Variants in TTC39A observed in about 807,000 individuals in gnomAD.
TTC39A encodes the protein tetratricopeptide repeat domain 39A, also known as tetratricopeptide repeat protein 39A.
Under a neutral mutation model 82.3 loss-of-function variants are expected in TTC39A, and 46 were observed. The ratio of observed to expected loss-of-function variants is 0.56; its 90% CI spans 0.44 to 0.71. TTC39A has a LOEUF of 0.71. Among genes scored for constraint, TTC39A ranks in the 30% least tolerant of loss-of-function variants. The probability of loss-of-function intolerance (pLI) is 0.00; values close to 1 mark genes in which losing one functional copy is unlikely to be tolerated. For missense variants in TTC39A, 543 were observed against 712.9 expected (o/e 0.76, Z 2.71); for synonymous variants, 254 against 275.2 (o/e 0.92, Z 0.76).
chr1:51,290,532 T>C lies in TTC39A; in HGVS notation c.1360A>G (p.Met454Val). 6.2e-7 allele frequency: 1 copy of C among 1,613,876 alleles called. No homozygotes were observed. The highest frequency in any genetic ancestry group is 8.5e-7 in the Non-Finnish European group (1 of 1,179,830). ...ILEIITKAEE[M>V]LEKGPENEYS... The stretch of plus-strand genomic sequence containing the variant: ...AAGTCACCTGGGCCTTTCTCCAGCA[T>C]CTCTTCAGCCTTAGTGATAATCTCA... The change falls in exon 15 of 18, where the codon ATG (methionine) becomes GTG (valine). Residue 454 changes from methionine (M) to valine (V), a missense_variant. Transcript: ENST00000680483.
rs1644660978 is a variant in TTC39A at position 51,301,657 on chromosome 1, A to G, written c.968T>C (p.Leu323Pro). The G allele has an allele frequency of 4.3e-6, 7 of 1,613,666 alleles. No homozygotes were observed. The highest frequency in any genetic ancestry group is 1.3e-5 in the African/African-American group (1 of 74,922). The change falls in exon 12 of 18, where the codon CTG (leucine) becomes CCG (proline). Residue 323 changes from leucine to proline, a missense_variant. Coordinates refer to ENST00000680483, the MANE Select transcript of TTC39A (RefSeq NM_001297663.2). ...GCCCTTGTAGGTGAAGCACCACATC[A>G]GCTCCCAGTAGCACATGTGGTGGAA... Reference protein sequence around the residue: ...KQFHHMCYWELMWCFTYKGQW... With the variant: ...KQFHHMCYWEPMWCFTYKGQW...
chr1:51,342,569 G>T (rs1026491027), intron 1 of TTC39A, among the ~76,000 whole-genome samples: 1 of 152,208 alleles, frequency 6.6e-6, no homozygotes, highest in African/African-American at 2.4e-5. Flanking sequence ...TTTGCCCTTG[G>T]CTATGCTGTG....
At chr1:51,337,368 G>A (rs1488124394) in intron 1 of TTC39A, among the ~76,000 whole-genome samples, 2 of 151,714 alleles carry the variant, frequency 1.3e-5, no homozygotes, top group Non-Finnish European at 2.9e-5. Context: ...CACCTTCTTC[G>A]GGTCTCAGCT....
upstream of TTC39A, chr1:51,331,039 C>T: frequency 1.2e-6 from 1 of 810,642 alleles, no homozygotes; most frequent in Non-Finnish European, 2.1e-6. Flanking sequence ...CACGGTTTAG[C>T]ACTCACTGCT....
At chr1:51,316,395 C>A (rs1393893662) in intron 2 of TTC39A, among the ~76,000 whole-genome samples, 2 of 152,204 alleles carry the variant, frequency 1.3e-5, no homozygotes, top group Admixed American at 6.5e-5. Context: ...CTCCCTCCTC[C>A]AGCCTGTCCC....
At chr1:51,319,667 T>C (rs1028375089) in intron 2 of TTC39A, among the ~76,000 whole-genome samples, 4 of 151,920 alleles carry the variant, frequency 2.6e-5, no homozygotes, top group Non-Finnish European at 4.4e-5. Flanking sequence ...CAAGTCTTTC[T>C]TATAAAATTT....
At chr1:51,292,519 CTCCTGGGCTCAAGCGA>C (rs1448835455) in intron 14 of TTC39A, among the ~76,000 whole-genome samples, 1 of 152,164 alleles carries the variant, frequency 6.6e-6, no homozygotes, top group African/African-American at 2.4e-5. Flanking sequence ...TAGCCTTGAC[CTCCTGGGCTCAAGCGA>C]TCCTCCCACC....
chr1:51,302,963 T>C (rs1644730581), intron 9 of TTC39A, 121 bp downstream of exon 9: 3 of 868,716 alleles, frequency 3.5e-6, no homozygotes, highest in Non-Finnish European at 5.4e-6. Context: ...TGTGGCTCTG[T>C]TTCTGGTTTC....
chr1:51,331,321 C>A (rs368013469), upstream of TTC39A: 50 of 1,532,746 alleles, frequency 3.3e-5, no homozygotes, highest in African/African-American at 5.6e-4. Flanking sequence ...GAGGCGGTGT[C>A]TCCACCTGAC....
chr1:51,290,354 C>T (rs1644157113), intron 15 of TTC39A, among the ~76,000 whole-genome samples, 160 bp downstream of exon 15: 1 of 152,162 alleles, frequency 6.6e-6, no homozygotes, highest in African/African-American at 2.4e-5. Flanking sequence ...TTTGACCCTA[C>T]CAGGTGGACA....
At chr1:51,301,898 C>G in intron 11 of TTC39A, 165 bp from the exon 12 acceptor site, 2 of 919,068 alleles carry the variant, frequency 2.2e-6, no homozygotes, top group Non-Finnish European at 3.2e-6. Flanking sequence ...GATCTGGCCT[C>G]CAGTCCTGGT....
At position 51,303,084 on chromosome 1, in the gene TTC39A, C is replaced by T. The variant is rs771991689; in HGVS notation, c.763G>A (p.Gly255Ser). Residue 255 changes from glycine (G) to serine (S), a missense_variant and splice_region_variant, in exon 9 of 18, where the codon GGT (glycine) becomes AGT (serine). Coordinates refer to ENST00000680483, the MANE Select transcript of TTC39A (RefSeq NM_001297663.2). ...CYHTFLTFVL[G>S]TGNVNIEEAE... ...GCCCCAGGTCCCCCTGTACACCTAC[C>T]GAGCACGAAGGTGAGGAAGGTGTGG... The T allele has an allele frequency of 6.9e-6, 11 of 1,587,822 alleles. No homozygotes were observed. Among genetic ancestry groups the T allele is most frequent in the Middle Eastern group, 1.7e-4 (1 of 6,058 alleles).
intron 14 of TTC39A, among the ~76,000 whole-genome samples, chr1:51,292,229 TTTCA>T (rs760656517): frequency 1.9e-4 from 29 of 152,134 alleles, no homozygotes; most frequent in Non-Finnish European, 3.5e-4. Flanking sequence ...AGTACTAAAC[TTTCA>T]TTCATAGTAA....
intron 5 of TTC39A, 78 bp downstream of exon 5, chr1:51,311,176 C>G: frequency 7.1e-7 from 1 of 1,403,574 alleles, no homozygotes; most frequent in South Asian, 1.3e-5. Context: ...CACAGTTGCT[C>G]TAGGGGATGG....
At chr1:51,305,470 C>T (rs1644833793) in intron 7 of TTC39A, 3 of 352,138 alleles carry the variant, frequency 8.5e-6, no homozygotes, top group South Asian at 5.2e-5. Flanking sequence ...TGCCTGGAAG[C>T]CCCTCCCCAG....
intron 1 of TTC39A, among the ~76,000 whole-genome samples, chr1:51,323,179 A>G (rs1453495289): frequency 6.6e-6 from 1 of 152,012 alleles, no homozygotes; most frequent in African/African-American, 2.4e-5. Flanking sequence ...CAATTCCCCA[A>G]GCCAAAAATC....
Position 51,296,176 on chromosome 1 carries a change from C to A in TTC39A, c.1054-6G>T, listed in dbSNP as rs184643340. On this transcript the variant is annotated splice_polypyrimidine_tract_variant and splice_region_variant and intron_variant, in intron 12 of 17. Transcript: ENST00000680483. ...TTCATGTAAATGTAGGTGGCCTGTGCGAGACAGAGCAACAGCCAGGTGTGA... is the reference window on the plus strand; with the variant it reads ...TTCATGTAAATGTAGGTGGCCTGTGAGAGACAGAGCAACAGCCAGGTGTGA... 6.3e-7 allele frequency: 1 copy of A among 1,581,562 alleles called. No individual in the cohort carries two copies. The highest frequency in any genetic ancestry group is 8.6e-7 in the Non-Finnish European group (1 of 1,163,722).
upstream of TTC39A, among the ~76,000 whole-genome samples, chr1:51,333,598 C>T (rs1645938874): frequency 6.6e-6 from 1 of 152,256 alleles, no homozygotes; most frequent in African/African-American, 2.4e-5. Context: ...TCAGATGTCA[C>T]CTCTTCCAGG....
chr1:51,329,361 T>C (rs188577492), intron 1 of TTC39A, among the ~76,000 whole-genome samples: 11 of 152,312 alleles, frequency 7.2e-5, no homozygotes, highest in Non-Finnish European at 1.6e-4. Flanking sequence ...GCCCCACTTC[T>C]GTGTTTTCCA....
Sources: allele counts gnomAD v4.1 joint callset (sites outside exome capture counted in the v4.1 genomes callset), GRCh38; gene constraint gnomAD v4.1.1; transcripts MANE v1.5; gene names NCBI Gene and HGNC (gene_info 2026-07-23, HGNC 2026-07-21).